Variants in NFKB1 observed in about 807,000 individuals in gnomAD.
NFKB1 encodes nuclear factor kappa B subunit 1, also known as nuclear factor NF-kappa-B p105 subunit.
NFKB1 carries 9 observed loss-of-function variants against 105.1 expected under a neutral mutation model. That is an observed-to-expected ratio of 0.09 (90% CI 0.05 to 0.15). The LOEUF (loss-of-function observed/expected upper bound fraction) is 0.15. NFKB1 is among the 10% of genes least tolerant of loss of function. The pLI is 1.00. For missense variants in NFKB1, 830 were observed against 1,203.7 expected (o/e 0.69, Z 4.59); for synonymous variants, 440 against 442.2 (o/e 1.00, Z 0.06).
intron 5 of NFKB1, among the ~76,000 whole-genome samples, chr4:102,559,923 G>C (rs1303229348): frequency 6.8e-6 from 1 of 147,710 alleles, no homozygotes; most frequent in Non-Finnish European, 1.5e-5. Context: ...GAATGGCAGA[G>C]CAAGACCCTG....
intron 4 of NFKB1, among the ~76,000 whole-genome samples, chr4:102,534,983 G>T (rs1392623470): frequency 1.3e-5 from 2 of 152,120 alleles, no homozygotes; most frequent in Admixed American, 1.3e-4. Context: ...GAAATTAGAT[G>T]AAAGTTTTTG....
intron 3 of NFKB1, among the ~76,000 whole-genome samples, chr4:102,532,659 C>T (rs1197975355): frequency 6.6e-6 from 1 of 151,906 alleles, no homozygotes; most frequent in African/African-American, 2.4e-5. Flanking sequence ...TGAGAAAATT[C>T]TCTTTTGTGT....
At chr4:102,511,225 A>G (rs1167317727) in intron 1 of NFKB1, among the ~76,000 whole-genome samples, 3 of 152,212 alleles carry the variant, frequency 2.0e-5, no homozygotes, top group Admixed American at 6.5e-5. Flanking sequence ...GCTGATTAAC[A>G]TAAGTAGGGT....
At chr4:102,506,225 T>C (rs781376462) in intron 1 of NFKB1, among the ~76,000 whole-genome samples, 38 of 152,318 alleles carry the variant, frequency 2.5e-4, no homozygotes, top group Non-Finnish European at 5.0e-4. Flanking sequence ...TTAGAATTTC[T>C]GTACACTCCA....
In NFKB1 at chr4:102,592,457, C is replaced by A. The variant is rs911072111; in HGVS notation, c.1067-968C>A. 2.6e-5 allele frequency among the ~76,000 whole-genome samples: 4 copies of A among 152,190 alleles called. No homozygotes were observed. In the South Asian group the frequency reaches 8.3e-4, roughly 32 times the overall value. Reference sequence around the variant, plus strand: ...GCCACCACCCTTATCAGTCAGCAGCCATCAACATTGAGGCAAGACCTTCCA... The same window carrying A: ...GCCACCACCCTTATCAGTCAGCAGCAATCAACATTGAGGCAAGACCTTCCA... On this transcript the variant is annotated intron_variant, in intron 11 of 23. Coordinates refer to ENST00000226574, the MANE Select transcript of NFKB1 (RefSeq NM_003998.4).
intron 23 of NFKB1, among the ~76,000 whole-genome samples, chr4:102,614,979 T>C (rs1049593122): frequency 2.6e-5 from 4 of 152,012 alleles, no homozygotes; most frequent in Non-Finnish European, 4.4e-5. Flanking sequence ...AGTGTCATCC[T>C]GTCTGCAACC....
Position 102,521,337 on chromosome 4 carries a change from AG to A in NFKB1, c.-7-4174del, listed in dbSNP as rs779700134. On this transcript the variant is annotated intron_variant, in intron 1 of 23. Transcript: ENST00000226574. ...ATTCTTTATCAGTTTATTAGCCAGC[AG>A]AGAAATGATGAAAAGCCACCCCTTT... Among the ~76,000 whole-genome samples the A allele has an allele frequency of 5.3e-3, 803 of 152,312 alleles. 5 individuals carry two copies. The highest frequency in any genetic ancestry group is 8.3e-3 in the Non-Finnish European group (567 of 68,026).
intron 4 of NFKB1, among the ~76,000 whole-genome samples, chr4:102,537,395 T>A (rs969680549): frequency 5.9e-5 from 9 of 152,180 alleles, no homozygotes; most frequent in Admixed American, 5.9e-4. Context: ...TAAATAAACA[T>A]GTCTGTAGTC....
In NFKB1 at chr4:102,613,499, C is replaced by T; in HGVS notation, c.2667C>T (p.Ile889=). ...QMGYTEAIEV[I]QAASSPVKTT... ...GCTACACCGAAGCAATTGAAGTGAT[C>T]CAGGCAGCCTCCAGCCCAGTGAAGA... is the stretch of plus-strand genomic sequence containing the variant. The change falls in exon 23 of 24, where the codon ATC becomes ATT. Residue 889 remains isoleucine (I), a synonymous_variant. Transcript: ENST00000226574. The T allele has an allele frequency of 1.9e-6, 3 of 1,614,004 alleles. No homozygotes were observed. The highest frequency in any genetic ancestry group is 2.5e-6 in the Non-Finnish European group (3 of 1,180,002).
intron 1 of NFKB1, among the ~76,000 whole-genome samples, chr4:102,510,508 T>G (rs1739709307): frequency 6.6e-6 from 1 of 152,250 alleles, no homozygotes; most frequent in Admixed American, 6.5e-5. Context: ...CTTCAGATTT[T>G]CTTGCCATAT....
At chr4:102,504,649 T>A (rs965741100) in intron 1 of NFKB1, among the ~76,000 whole-genome samples, 1 of 152,170 alleles carries the variant, frequency 6.6e-6, no homozygotes, top group African/African-American at 2.4e-5. Flanking sequence ...TACTCTGCTT[T>A]TTGGGAATTA....
intron 11 of NFKB1, among the ~76,000 whole-genome samples, chr4:102,587,092 C>T (rs980554443): frequency 6.6e-6 from 1 of 152,086 alleles, no homozygotes; most frequent in South Asian, 2.1e-4. Flanking sequence ...ATACAAAATC[C>T]CAGTGTATGG....
At chr4:102,530,127 A>G (rs1459198083) in intron 3 of NFKB1, among the ~76,000 whole-genome samples, 1 of 152,186 alleles carries the variant, frequency 6.6e-6, no homozygotes, top group Non-Finnish European at 1.5e-5. Flanking sequence ...ACTGCATTTC[A>G]TATCTGCTAG....
chr4:102,564,112 G>A (rs768153097), intron 5 of NFKB1, among the ~76,000 whole-genome samples: 2 of 151,892 alleles, frequency 1.3e-5, no homozygotes, highest in Non-Finnish European at 2.9e-5. Flanking sequence ...GAGCCACCAC[G>A]CCCGGCCCGA....
intron 7 of NFKB1, chr4:102,577,760 G>T: frequency 3.2e-6 from 3 of 946,002 alleles, no homozygotes; most frequent in Non-Finnish European, 3.8e-6. Flanking sequence ...CCCCCTCCTC[G>T]CCTGTGCTGC....
rs1168450356 is a variant in NFKB1 at position 102,617,012 on chromosome 4, G to C, written c.*418G>C. 7.1e-6 allele frequency: 1 copy of C among 140,062 alleles called. No homozygotes were observed. The highest frequency in any genetic ancestry group is 2.7e-5 in the African/African-American group (1 of 37,560). The allele number at this position is 140,062 out of a possible 1,614,324, so 8.7% of individuals were successfully genotyped here. On this transcript the variant is annotated 3_prime_UTR_variant, in exon 24 of 24. Coordinates refer to ENST00000226574, the MANE Select transcript of NFKB1 (RefSeq NM_003998.4). Reference sequence around the variant, plus strand: ...ATTCAAATTAAGGGTTAAGAAAAGAGATATTTTAAAATGAGAGTCACTTGA... The same window carrying C: ...ATTCAAATTAAGGGTTAAGAAAAGACATATTTTAAAATGAGAGTCACTTGA...
In NFKB1 at chr4:102,508,531, T is replaced by A. The variant is rs999958302; in HGVS notation, c.-8+6743T>A. 7.2e-5 allele frequency among the ~76,000 whole-genome samples: 11 copies of A among 152,054 alleles called. No homozygotes were observed. The East Asian group carries it at 9.7e-4, about 13-fold the overall frequency. ...TACAATCTAGGAAATAGGAAAAAAATTTTTAGTGTGTTCATACTGCTAATT... is the reference window on the plus strand; with the variant it reads ...TACAATCTAGGAAATAGGAAAAAAAATTTTAGTGTGTTCATACTGCTAATT... On this transcript the variant is annotated intron_variant, in intron 1 of 23. Transcript: ENST00000226574.
intron 16 of NFKB1, among the ~76,000 whole-genome samples, chr4:102,602,719 T>G (rs1727295112): frequency 6.6e-6 from 1 of 152,210 alleles, no homozygotes; most frequent in Non-Finnish European, 1.5e-5. Flanking sequence ...CTGGCTCTTG[T>G]GCTTCTTGTC....
At chr4:102,533,292 G>T (rs1291538167) in intron 3 of NFKB1, among the ~76,000 whole-genome samples, 1 of 152,036 alleles carries the variant, frequency 6.6e-6, no homozygotes, top group East Asian at 1.9e-4. Flanking sequence ...AAGTAAAGAC[G>T]GGAACAGAAA....
Sources: allele counts gnomAD v4.1 joint callset (sites outside exome capture counted in the v4.1 genomes callset), GRCh38; gene constraint gnomAD v4.1.1; transcripts MANE v1.5; gene names NCBI Gene and HGNC (gene_info 2026-07-23, HGNC 2026-07-21).